C3orf20: variants seen among roughly 807,000 people sequenced by gnomAD.
The protein encoded by C3orf20 is family with sequence similarity 149 member C.
Under a neutral mutation model 88.3 loss-of-function variants are expected in C3orf20, and 76 were observed. The observed-to-expected ratio is 0.86, with a 90% confidence interval of 0.72 to 1.04. The LOEUF (loss-of-function observed/expected upper bound fraction) is 1.04, where lower values mean the gene tolerates loss of function less well. Ranked by LOEUF, C3orf20 falls within the 50% of genes least tolerant of loss-of-function variation. The pLI is 0.00. For synonymous variants in C3orf20, 436 were observed against 437.4 expected, an observed-to-expected ratio of 1.00 and a Z score of 0.04; for missense variants, 1,056 against 1,123.3, an observed-to-expected ratio of 0.94 and a Z score of 0.86.
intron 12 of C3orf20, among the ~76,000 whole-genome samples, chr3:14,738,334 ATT>A (rs75016263): frequency 1.4e-5 from 2 of 138,644 alleles, no homozygotes; most frequent in Non-Finnish European, 1.6e-5. Context: ...TGCCCAACTA[ATT>A]TTTTTTTTTT....
At chr3:14,757,162 G>A (rs2035397207) in intron 12 of C3orf20, among the ~76,000 whole-genome samples, 1 of 152,218 alleles carries the variant, frequency 6.6e-6, no homozygotes, top group South Asian at 2.1e-4. Flanking sequence ...ATGGGTGAAG[G>A]AGTAACTTGT....
At position 14,727,013 on chromosome 3, in the gene C3orf20, T is replaced by TG; in HGVS notation, c.1680dup (p.Leu561AlafsTer9). ...GTGACTCAGTTCATTAATTCTATCT[T>TG]GCTGGCCGCAGGTAAGGAGGCTGAA... On this transcript the variant is annotated frameshift_variant, in exon 11 of 17. Coordinates refer to ENST00000253697, the MANE Select transcript of C3orf20 (RefSeq NM_032137.5). LOFTEE classifies it high-confidence loss of function. The TG allele has an allele frequency of 6.2e-7, 1 of 1,614,152 alleles. No individual in the cohort carries two copies. Among genetic ancestry groups the TG allele is most frequent in the Non-Finnish European group, 8.5e-7 (1 of 1,180,026 alleles).
At chr3:14,722,655 C>A (rs937146417) in intron 10 of C3orf20, 1 of 448,450 alleles carries the variant, frequency 2.2e-6, no homozygotes, top group Non-Finnish European at 4.5e-6. Context: ...ATCGTCTCCA[C>A]AAATTGAAAA....
At chr3:14,715,740 A>G (rs2033914937) in intron 9 of C3orf20, among the ~76,000 whole-genome samples, 1 of 152,218 alleles carries the variant, frequency 6.6e-6, no homozygotes, top group South Asian at 2.1e-4. Flanking sequence ...ATAGTAGTTG[A>G]TAGCTTTATT....
intron 4 of C3orf20, among the ~76,000 whole-genome samples, chr3:14,686,146 C>T (rs896085474): frequency 6.6e-6 from 1 of 151,966 alleles, no homozygotes. Context: ...AGGCGTGAGC[C>T]ACCACGCCCA....
intron 5 of C3orf20, among the ~76,000 whole-genome samples, chr3:14,698,003 G>A (rs1003639545): frequency 6.6e-6 from 1 of 152,148 alleles, no homozygotes; most frequent in African/African-American, 2.4e-5. Context: ...ATTGTGAATA[G>A]TGCTGCAATG....
chr3:14,719,125 GTTT>G (rs35504025), intron 9 of C3orf20, among the ~76,000 whole-genome samples: 1 of 133,172 alleles, frequency 7.5e-6, no homozygotes. Context: ...TTGGGTCATT[GTTT>G]TTTTTTTTTT....
intron 7 of C3orf20, among the ~76,000 whole-genome samples, chr3:14,707,182 G>T (rs1468963397): frequency 6.9e-6 from 1 of 144,186 alleles, no homozygotes; most frequent in Non-Finnish European, 1.5e-5. Context: ...CCAGGAGGTG[G>T]AGCTTGCAGT....
At chr3:14,739,184 C>A (rs963431032) in intron 12 of C3orf20, among the ~76,000 whole-genome samples, 4 of 152,186 alleles carry the variant, frequency 2.6e-5, no homozygotes, top group Admixed American at 6.5e-5. Context: ...TCACTACCTA[C>A]AGCATCTATA....
At position 14,718,079 on chromosome 3, in the gene C3orf20, C is replaced by T. The variant is rs188553759; in HGVS notation, c.1434+2670C>T. Among the ~76,000 whole-genome samples, 4 of 152,162 alleles carry T rather than the reference C, an allele frequency of 2.6e-5. No homozygotes were observed. In the East Asian group the frequency reaches 7.7e-4, roughly 29 times the overall value. Reference sequence around the variant, plus strand: ...TCTGTAAATTCATTTAAATTTGTTTCACCAAATTTGGGGAATCTTCTAAAT... The same window carrying T: ...TCTGTAAATTCATTTAAATTTGTTTTACCAAATTTGGGGAATCTTCTAAAT... On this transcript the variant is annotated intron_variant, in intron 9 of 16. Transcript: ENST00000253697.
At chr3:14,737,510 A>T (rs1255948804) in intron 12 of C3orf20, among the ~76,000 whole-genome samples, 1 of 152,240 alleles carries the variant, frequency 6.6e-6, no homozygotes, top group Non-Finnish European at 1.5e-5. Context: ...CTAAAAACAC[A>T]ATGTACATAC....
In C3orf20 at chr3:14,729,210, A is replaced by T. The variant is rs79115174; in HGVS notation, c.1940+522A>T. On this transcript the variant is annotated intron_variant, in intron 12 of 16. Transcript: ENST00000253697. The stretch of plus-strand genomic sequence containing the variant: ...ATGTTGCCTGGCATCTGTGATAGAG[A>T]GTGGCTGGAAAGTGGTGTGGGATGG... Among the ~76,000 whole-genome samples the T allele has an allele frequency of 4.6e-3, 698 of 152,224 alleles. 3 individuals carry two copies. The highest frequency in any genetic ancestry group is 8.0e-3 in the Non-Finnish European group (542 of 68,014).
chr3:14,712,686 T>G (rs1405963597), intron 7 of C3orf20, among the ~76,000 whole-genome samples: 1 of 152,222 alleles, frequency 6.6e-6, no homozygotes, highest in East Asian at 1.9e-4. Context: ...AGAAAAATTA[T>G]ATGCTGAAAA....
chr3:14,727,959 G>C (rs942101349), intron 11 of C3orf20, among the ~76,000 whole-genome samples: 2 of 152,172 alleles, frequency 1.3e-5, no homozygotes, highest in African/African-American at 4.8e-5. Context: ...GGTGAGTGAA[G>C]AGATGAGAGG....
Position 14,772,911 on chromosome 3 carries a change from G to C in C3orf20, c.*36G>C. ...GCAGCAGCCAAGTGAGCCAGGCCCC[G>C]GCCCGGGGTGCTGGGGCTTCTTGCC... On this transcript the variant is annotated 3_prime_UTR_variant, in exon 17 of 17. Coordinates refer to ENST00000253697, the MANE Select transcript of C3orf20 (RefSeq NM_032137.5). This position sits in a 1 kb window ranked among gnomAD's most constrained non-coding sequence, Gnocchi z 4.2. 1 of 1,547,838 alleles carries C rather than the reference G, an allele frequency of 6.5e-7. No individual in the cohort carries two copies. The highest frequency in any genetic ancestry group is 8.9e-7 in the Non-Finnish European group (1 of 1,121,350).
intron 6 of C3orf20, 83 bp from the exon 7 acceptor site, chr3:14,704,254 G>A (rs2033402151): frequency 7.1e-7 from 1 of 1,407,292 alleles, no homozygotes; most frequent in African/African-American, 1.4e-5. Flanking sequence ...AGGGGTCTTG[G>A]GCACTAAGGA....
chr3:14,725,622 T>C (rs2034318818), intron 10 of C3orf20, among the ~76,000 whole-genome samples: 1 of 152,102 alleles, frequency 6.6e-6, no homozygotes, highest in Non-Finnish European at 1.5e-5. Flanking sequence ...ATCAGAAGGA[T>C]GGTTGAGACT....
In C3orf20 at chr3:14,682,555, CTT is replaced by C. The variant is rs2032149090; in HGVS notation, c.-136-20_-136-19del. On this transcript the variant is annotated intron_variant, in intron 2 of 16. Transcript: ENST00000253697. ...CCTACTATGGGGAGAGTGACTAACT[CTT>C]TTCTTGTCCTTTCCGGATAGGAACC... The C allele has an allele frequency of 5.0e-6, 5 of 1,001,686 alleles. No individual in the cohort carries two copies. In the African/African-American group the frequency reaches 6.5e-5, roughly 13 times the overall value. 62.0% of individuals were successfully genotyped at this position (1,001,686 alleles called of 1,614,324 possible).
intron 12 of C3orf20, among the ~76,000 whole-genome samples, chr3:14,739,327 A>T (rs1383190999): frequency 2.0e-5 from 3 of 152,206 alleles, no homozygotes; most frequent in African/African-American, 7.2e-5. Context: ...CTCTAGGGTG[A>T]CCAGGTGCAT....
Sources: gnomAD v4.1 joint callset for allele counts (sites outside exome capture counted in the v4.1 genomes callset) on GRCh38, gnomAD v4.1.1 for gene constraint, Gnocchi (gnomAD v3.1) non-coding constraint, MANE v1.5 for transcripts, NCBI Gene and HGNC (gene_info 2026-07-23, HGNC 2026-07-21) for gene names.